The following PON1 variants were observed in gnomAD, a reference collection of about 807,000 sequenced individuals.
PON1 encodes paraoxonase 1, also known as serum paraoxonase/arylesterase 1.
Under a neutral mutation model 39.2 loss-of-function variants are expected in PON1, and 37 were observed. The observed-to-expected ratio is 0.94, with a 90% CI of 0.73 to 1.24. PON1 has a LOEUF of 1.24. Among genes scored for constraint, PON1 ranks in the 50% most tolerant of loss-of-function variants. The probability of loss-of-function intolerance (pLI) is 0.00; values close to 1 mark genes in which losing one functional copy is unlikely to be tolerated. For synonymous variants in PON1, 148 were observed against 152.2 expected, an observed-to-expected ratio of 0.97 and a Z score of 0.21; for missense variants, 397 against 413.5, an observed-to-expected ratio of 0.96 and a Z score of 0.35.
chr7:95,321,357 C>T (rs1485747461), intron 1 of PON1, among the ~76,000 whole-genome samples: 1 of 152,190 alleles, frequency 6.6e-6, no homozygotes, highest in East Asian at 1.9e-4. Context: ...CAGAAAAAAG[C>T]AGAGATCTTT....
chr7:95,302,046 A>G (rs1434237995), intron 8 of PON1, among the ~76,000 whole-genome samples, 159 bp downstream of exon 8: 4 of 144,716 alleles, frequency 2.8e-5, no homozygotes, highest in South Asian at 4.6e-4. Context: ...GCAGTGAGCC[A>G]AGATTGCGCC....
chr7:95,311,374 GC>G (rs1807649372), intron 5 of PON1, 76 bp downstream of exon 5: 2 of 1,561,322 alleles, frequency 1.3e-6, no homozygotes, highest in Non-Finnish European at 1.8e-6. Flanking sequence ...ACCTACTCTG[GC>G]CAAAAGGAAA....
chr7:95,306,849 G>C (rs1807551013), intron 6 of PON1, among the ~76,000 whole-genome samples: 1 of 152,016 alleles, frequency 6.6e-6, no homozygotes, highest in Admixed American at 6.6e-5. Context: ...TGCCCTGAGT[G>C]TGGTCCTGAC....
intron 8 of PON1, among the ~76,000 whole-genome samples, chr7:95,301,996 C>G (rs1424155572): frequency 6.8e-6 from 1 of 146,984 alleles, no homozygotes; most frequent in Non-Finnish European, 1.5e-5. Flanking sequence ...ACTTGGGAGG[C>G]TGAGGCAGGA....
intron 1 of PON1, among the ~76,000 whole-genome samples, chr7:95,320,628 C>G (rs1211356263): frequency 1.3e-5 from 2 of 152,338 alleles, no homozygotes; most frequent in Middle Eastern, 3.4e-3. Flanking sequence ...AGTATGAACA[C>G]AAAGCTCACA....
rs767932117 is a variant in PON1, at chr7:95,308,178, G to A, written c.531C>T (p.His177=). 6 of 1,614,058 alleles carry A rather than the reference G, an allele frequency of 3.7e-6. No homozygotes were observed. In the Admixed American group the frequency reaches 6.7e-5, roughly 18 times the overall value. Residue 177 remains histidine (H), a synonymous_variant, in exon 6 of 9, where the codon CAC becomes CAT. Transcript: ENST00000222381. ...LNDIVAVGPE[H]FYGTNDHYFL... ...AATAGTGATCATTTGTGCCATAAAA[G>A]TGCTCAGGTCCCACAGCAACAATAT...
intron 7 of PON1, among the ~76,000 whole-genome samples, chr7:95,302,966 A>G (rs1241046612): frequency 6.6e-6 from 1 of 152,222 alleles, no homozygotes; most frequent in African/African-American, 2.4e-5. Context: ...GAGGCTTTGT[A>G]CAAGGATCAT....
intron 6 of PON1, among the ~76,000 whole-genome samples, 180 bp from the exon 7 acceptor site, chr7:95,306,546 A>G (rs1807545398): frequency 6.6e-6 from 1 of 152,236 alleles, no homozygotes; most frequent in Non-Finnish European, 1.5e-5. Flanking sequence ...GAGGGGTTTA[A>G]TCTCTGAAAA....
At chr7:95,322,520 T>G (rs1327597119) in intron 1 of PON1, among the ~76,000 whole-genome samples, 1 of 152,122 alleles carries the variant, frequency 6.6e-6, no homozygotes, top group African/African-American at 2.4e-5. Context: ...CACAACTGTG[T>G]GTTGCCTACA....
chr7:95,302,225 C>T lies in PON1; in HGVS notation c.889G>A (p.Glu297Lys). 1 of 1,609,392 alleles carries T rather than the reference C, an allele frequency of 6.2e-7. No individual in the cohort carries two copies. Among genetic ancestry groups the T allele is most frequent in the Non-Finnish European group, 8.5e-7 (1 of 1,177,176 alleles). ...CTTACCTCTGATGCAGGAGGATTCT[C>T]TGAGTCATAGAAGAAGATTTTCATG... ...NGMKIFFYDSENPPASEVLRI... is the reference protein window; with the variant it reads ...NGMKIFFYDSKNPPASEVLRI... The change falls in exon 8 of 9, where the codon GAG (glutamate) becomes AAG (lysine). Residue 297 changes from glutamate (E) to lysine (K), a missense_variant. Physicochemically the swap from Glu to Lys is moderately conservative, Grantham distance 56. Transcript: ENST00000222381.
intron 5 of PON1, 143 bp from the exon 6 acceptor site, chr7:95,308,354 A>G: frequency 1.3e-6 from 1 of 767,706 alleles, no homozygotes. Context: ...AACACAATTA[A>G]TATGAAATTA....
Position 95,298,879 on chromosome 7 carries a change from T to C in PON1, c.*65A>G. On this transcript the variant is annotated 3_prime_UTR_variant, in exon 9 of 9. Transcript: ENST00000222381. ...TTGTTCAGCTAAGAACACTGGGTCC[T>C]CGGAATATGGCAAGCGGTTGAAATA... 1 of 1,594,316 alleles carries C rather than the reference T, an allele frequency of 6.3e-7. No individual in the cohort carries two copies.
At chr7:95,301,158 CA>C (rs1190645601) in intron 8 of PON1, among the ~76,000 whole-genome samples, 1 of 152,120 alleles carries the variant, frequency 6.6e-6, no homozygotes, top group Non-Finnish European at 1.5e-5. Flanking sequence ...ACTGAAAACT[CA>C]GTAAATGTGC....
chr7:95,300,062 TG>T (rs1422589556), intron 8 of PON1, among the ~76,000 whole-genome samples: 18 of 152,216 alleles, frequency 1.2e-4, no homozygotes, highest in African/African-American at 4.3e-4. Context: ...TGTCTCTAAA[TG>T]TATAAGATTT....
At chr7:95,310,698 C>T (rs1807634026) in intron 5 of PON1, among the ~76,000 whole-genome samples, 1 of 152,140 alleles carries the variant, frequency 6.6e-6, no homozygotes, top group Non-Finnish European at 1.5e-5. Context: ...GAGTACAAAT[C>T]TAGATTTACA....
At chr7:95,324,323 C>T (rs1365634673) in intron 1 of PON1, 79 bp downstream of exon 1, 6 of 1,376,702 alleles carry the variant, frequency 4.4e-6, no homozygotes, top group Non-Finnish European at 5.2e-6. Flanking sequence ...ACAGCCTGGA[C>T]CCAACTTTCT....
At chr7:95,320,451 C>A (rs1474160248) in intron 1 of PON1, among the ~76,000 whole-genome samples, 3 of 152,190 alleles carry the variant, frequency 2.0e-5, no homozygotes, top group African/African-American at 7.2e-5. Flanking sequence ...CATGTCATAT[C>A]TCAACAGGAT....
At chr7:95,322,041 G>C (rs994289421) in intron 1 of PON1, among the ~76,000 whole-genome samples, 5 of 152,082 alleles carry the variant, frequency 3.3e-5, no homozygotes, top group African/African-American at 1.2e-4. Flanking sequence ...CTCTGCAGAT[G>C]TCCACTGAAG....
At chr7:95,319,277 C>T (rs1033330297) in intron 1 of PON1, among the ~76,000 whole-genome samples, 3 of 151,846 alleles carry the variant, frequency 2.0e-5, no homozygotes, top group Non-Finnish European at 4.4e-5. Flanking sequence ...TCACAGGAGG[C>T]GGATGGGCTA....
Sources: gnomAD v4.1 joint callset for allele counts (sites outside exome capture counted in the v4.1 genomes callset) on GRCh38, gnomAD v4.1.1 for gene constraint, MANE v1.5 for transcripts, NCBI Gene and HGNC (gene_info 2026-07-23, HGNC 2026-07-21) for gene names.